The following ARHGAP6 variants were observed in gnomAD, a reference collection of about 807,000 sequenced individuals.
ARHGAP6 encodes Rho GTPase activating protein 6.
A neutral mutation model predicts 55.7 loss-of-function variants in ARHGAP6; 16 were observed. The observed-to-expected ratio is 0.29, with a 90% CI of 0.19 to 0.44. The LOEUF is 0.44. ARHGAP6 is among the 20% of genes least tolerant of loss of function. The probability of loss-of-function intolerance (pLI) is 1.00; values close to 1 mark genes in which losing one functional copy is unlikely to be tolerated. For missense variants in ARHGAP6, 698 were observed against 808.9 expected, an observed-to-expected ratio of 0.86 and a Z score of 1.66; for synonymous variants, 382 against 360.9, an observed-to-expected ratio of 1.06 and a Z score of -0.66.
intron 1 of ARHGAP6, among the ~76,000 whole-genome samples, chrX:11,282,247 CA>C (rs2047865437): frequency 8.9e-6 from 1 of 112,172 alleles, no homozygotes; most frequent in Admixed American, 9.5e-5. Context: ...GAAATGCACC[CA>C]TTCATTAAAT....
chrX:11,472,614 C>T (rs2050359187), intron 1 of ARHGAP6, among the ~76,000 whole-genome samples: 1 of 111,827 alleles, frequency 8.9e-6, no homozygotes, highest in African/African-American at 3.3e-5. Flanking sequence ...GATCATACAG[C>T]AACTTAGGGT....
Position 11,156,449 on chromosome X carries a change from T to G in ARHGAP6, c.1907+80A>C, listed in dbSNP as rs192085601. The stretch of plus-strand genomic sequence containing the variant: ...CTTCAGGTCACCCTGCATGTACTTA[T>G]GTAAACCTTTCCAATTTCTCAGAAA... On this transcript the variant is annotated intron_variant, in intron 10 of 12. Coordinates refer to ENST00000337414, the MANE Select transcript of ARHGAP6 (RefSeq NM_013427.3). The G allele has an allele frequency of 6.3e-6, 6 of 956,483 alleles. No homozygotes were observed. The South Asian group carries it at 1.1e-4, about 18-fold the overall frequency. 78.8% of individuals were successfully genotyped at this position (956,483 alleles called of 1,213,427 possible).
In ARHGAP6 at chrX:11,344,398, C is replaced by T. The variant is rs753209347; in HGVS notation, c.589-89691G>A. 4.5e-5 allele frequency among the ~76,000 whole-genome samples: 5 copies of T among 111,130 alleles called. No homozygotes were observed. In the South Asian group the frequency reaches 1.2e-3, roughly 26 times the overall value. The stretch of plus-strand genomic sequence containing the variant: ...CAATTAATACTGATGCCCGGCCAGG[C>T]GCAGTGGCTCACGCCTGTAATCACA... On this transcript the variant is annotated intron_variant, in intron 1 of 12. Coordinates refer to ENST00000337414, the MANE Select transcript of ARHGAP6 (RefSeq NM_013427.3).
intron 1 of ARHGAP6, among the ~76,000 whole-genome samples, chrX:11,389,858 A>G (rs966004385): frequency 9.8e-5 from 11 of 111,955 alleles, no homozygotes; most frequent in Non-Finnish European, 2.1e-4. Flanking sequence ...CTGAAGGAAG[A>G]CAAGGAAAAC....
intron 1 of ARHGAP6, chrX:11,298,177 T>C (rs1346063797): frequency 8.3e-7 from 1 of 1,206,239 alleles, no homozygotes; most frequent in African/African-American, 1.7e-5. Flanking sequence ...ATCAGTGAGT[T>C]TCTATATTGG....
In ARHGAP6 at chrX:11,236,977, T is replaced by A. The variant is rs987267449; in HGVS notation, c.748+17571A>T. 8.9e-5 allele frequency among the ~76,000 whole-genome samples: 10 copies of A among 112,367 alleles called. No individual in the cohort carries two copies. The Admixed American group carries it at 9.4e-4, about 11-fold the overall frequency. On this transcript the variant is annotated intron_variant, in intron 2 of 12. Coordinates refer to ENST00000337414, the MANE Select transcript of ARHGAP6 (RefSeq NM_013427.3). ...GGAGGTGTTTGTAAAACAGCGGACA[T>A]CCATTTGTGCAATGCATTTAGACTC...
chrX:11,288,112 C>G (rs946688099), intron 1 of ARHGAP6, among the ~76,000 whole-genome samples: 1 of 112,626 alleles, frequency 8.9e-6, no homozygotes, highest in Admixed American at 9.4e-5. Context: ...CTACTTTTTC[C>G]TTTTCCATAG....
chrX:11,148,202 C>A (rs1264671546), intron 10 of ARHGAP6, among the ~76,000 whole-genome samples: 1 of 111,774 alleles, frequency 8.9e-6, no homozygotes, highest in Non-Finnish European at 1.9e-5. Flanking sequence ...GATAATCCAA[C>A]CCTAAGAAGA....
chrX:11,562,219 G>A (rs1240435335), intron 1 of ARHGAP6, among the ~76,000 whole-genome samples: 1 of 112,063 alleles, frequency 8.9e-6, no homozygotes, highest in East Asian at 2.8e-4. Context: ...AGGTGTGTGT[G>A]TAATTCTTTT....
chrX:11,536,624 C>T (rs190720654), intron 1 of ARHGAP6, among the ~76,000 whole-genome samples: 1 of 112,085 alleles, frequency 8.9e-6, no homozygotes, highest in Non-Finnish European at 1.9e-5. Flanking sequence ...TCTTTGTGAA[C>T]AATCACCATC....
chrX:11,441,668 T>C (rs2050040339), intron 1 of ARHGAP6, among the ~76,000 whole-genome samples: 1 of 112,082 alleles, frequency 8.9e-6, no homozygotes, highest in Non-Finnish European at 1.9e-5. Context: ...CACTTTGCTT[T>C]CTACTGTCAG....
At chrX:11,501,456 T>C (rs1462781439) in intron 1 of ARHGAP6, among the ~76,000 whole-genome samples, 2 of 111,770 alleles carry the variant, frequency 1.8e-5, no homozygotes, top group Admixed American at 9.5e-5. Flanking sequence ...CCTGCTCTAA[T>C]ACATTGTTGG....
At chrX:11,240,961 GCTGAGGCAGGGGGATCGCCTGAGC>G (rs1215319725) in intron 2 of ARHGAP6, among the ~76,000 whole-genome samples, 9 of 101,222 alleles carry the variant, frequency 8.9e-5, no homozygotes, top group Non-Finnish European at 1.4e-4. Context: ...GGGGTGGGGG[GCTGAGGCAGGGGGATCGCCTGAGC>G]CTTGGGAGGT....
rs1010832293 is a variant in ARHGAP6, at chrX:11,379,719, C to A, written c.589-125012G>T. On this transcript the variant is annotated intron_variant, in intron 1 of 12. Transcript: ENST00000337414. ...ATAATCTTTAATCTGGAAGTAACCC[C>A]AAAGCTTTCTCATGAAATTTCTTCT... Among the ~76,000 whole-genome samples the A allele has an allele frequency of 2.7e-5, 3 of 111,137 alleles. No homozygotes were observed. The South Asian group carries it at 1.1e-3, about 42-fold the overall frequency.
rs1482163477 is a variant in ARHGAP6 at position 11,189,058 on chromosome X, CTAAG to C, written c.821-78_821-75del. ...GAACACTCTCATTTATGTTTCAGAC[CTAAG>C]TAAGAACAGACATATTCAAAGGAAT... On this transcript the variant is annotated intron_variant, in intron 3 of 12. Coordinates refer to ENST00000337414, the MANE Select transcript of ARHGAP6 (RefSeq NM_013427.3). The C allele has an allele frequency of 2.5e-5, 27 of 1,089,270 alleles. No individual in the cohort carries two copies. In the East Asian group the frequency reaches 7.7e-4, roughly 31 times the overall value. 89.8% of individuals were successfully genotyped at this position (1,089,270 alleles called of 1,213,427 possible).
intron 1 of ARHGAP6, among the ~76,000 whole-genome samples, chrX:11,319,826 G>A (rs2048409377): frequency 8.9e-6 from 1 of 112,047 alleles, no homozygotes; most frequent in African/African-American, 3.2e-5. Context: ...TAATGGTTCA[G>A]ATTTATTTTC....
At chrX:11,164,695 C>G (rs910891915) in intron 9 of ARHGAP6, among the ~76,000 whole-genome samples, 1 of 111,929 alleles carries the variant, frequency 8.9e-6, no homozygotes, top group African/African-American at 3.3e-5. Context: ...GGCTTTCCCA[C>G]GTCTCCACTG....
chrX:11,648,885 G>A (rs771279857), intron 1 of ARHGAP6, among the ~76,000 whole-genome samples: 2 of 111,946 alleles, frequency 1.8e-5, no homozygotes, highest in South Asian at 7.4e-4. Context: ...GTGCAAGCTC[G>A]GACTGACGTT....
intron 1 of ARHGAP6, among the ~76,000 whole-genome samples, chrX:11,625,372 C>G (rs2052285012): frequency 9.1e-6 from 1 of 110,290 alleles, no homozygotes; most frequent in African/African-American, 3.3e-5. Flanking sequence ...ATAAAAAGGA[C>G]TGAAATCTTG....
Sources: gnomAD v4.1 joint callset for allele counts (sites outside exome capture counted in the v4.1 genomes callset) on GRCh38, gnomAD v4.1.1 for gene constraint, MANE v1.5 for transcripts, NCBI Gene and HGNC (gene_info 2026-07-23, HGNC 2026-07-21) for gene names.